The following HEATR5B variants were observed in gnomAD, a reference collection of about 807,000 sequenced individuals.
HEATR5B encodes the protein HEAT repeat-containing protein 5B.
In HEATR5B, 156 loss-of-function variants were observed where a neutral mutation model predicts 224.1. The observed-to-expected ratio is 0.70, with a 90% confidence interval of 0.61 to 0.80. The LOEUF (loss-of-function observed/expected upper bound fraction) is 0.80. Ranked by LOEUF, HEATR5B falls within the 30% of genes least tolerant of loss-of-function variation. The probability of loss-of-function intolerance (pLI) is 0.00; values close to 1 mark genes in which losing one functional copy is unlikely to be tolerated. For missense variants in HEATR5B, 2,323 were observed against 2,535.5 expected, an observed-to-expected ratio of 0.92 and a Z score of 1.80; for synonymous variants, 1,027 against 893.0, an observed-to-expected ratio of 1.15 and a Z score of -2.68.
At chr2:37,046,500 G>A (rs367690809) in intron 18 of HEATR5B, among the ~76,000 whole-genome samples, 2 of 151,890 alleles carry the variant, frequency 1.3e-5, no homozygotes, top group East Asian at 1.9e-4. Flanking sequence ...TTAGCCGGGC[G>A]TGGTGGCAGG....
At position 37,056,863 on chromosome 2, in the gene HEATR5B, C is replaced by A. The variant is rs542757857; in HGVS notation, c.2224-248G>T. ...CATATTTACACCACCCACCTTATTG[C>A]GTGAACAATATACACAAGATCTTAA... On this transcript the variant is annotated intron_variant, in intron 15 of 35. Coordinates refer to ENST00000233099, the MANE Select transcript of HEATR5B (RefSeq NM_019024.3). Among the ~76,000 whole-genome samples, 3 of 152,154 alleles carry A rather than the reference C, an allele frequency of 2.0e-5. No homozygotes were observed. In the East Asian group the frequency reaches 5.8e-4, roughly 29 times the overall value.
intron 33 of HEATR5B, among the ~76,000 whole-genome samples, chr2:36,992,591 A>G (rs11904027): frequency 0.011 from 1,640 of 152,228 alleles, 27 homozygotes; most frequent in African/African-American, 0.036. Flanking sequence ...AAAAACAAAC[A>G]AACAAACAAA....
At chr2:37,066,669 C>G (rs367696373) in intron 8 of HEATR5B, among the ~76,000 whole-genome samples, 267 of 152,134 alleles carry the variant, frequency 1.8e-3, no homozygotes, top group African/African-American at 5.8e-3. Flanking sequence ...TACATTCTGG[C>G]CCACAAATCC....
At chr2:37,006,017 TA>T (rs1302344359) in intron 29 of HEATR5B, among the ~76,000 whole-genome samples, 9 of 152,222 alleles carry the variant, frequency 5.9e-5, no homozygotes, top group African/African-American at 2.2e-4. Context: ...ATTATGAAGA[TA>T]TTAAGTTTTT....
chr2:37,013,946 A>C lies in HEATR5B; in HGVS notation c.4179T>G (p.Val1393=). 2.5e-6 allele frequency: 4 copies of C among 1,613,322 alleles called. No individual in the cohort carries two copies. Among genetic ancestry groups the C allele is most frequent in the Non-Finnish European group, 3.4e-6 (4 of 1,179,518 alleles). The change falls in exon 27 of 36, where the codon GTT becomes GTG. Residue 1393 remains valine (V), a synonymous_variant. Transcript: ENST00000233099. The part of the protein sequence containing the change: ...NDLRRVHNLL[V]SSLDKVQAGK... The stretch of plus-strand genomic sequence containing the variant: ...CAGCCTGAACTTTGTCCAGAGAAGA[A>C]ACAAGAAGATTGTGTACTCGACGGA...
intron 15 of HEATR5B, 117 bp downstream of exon 15, chr2:37,057,200 A>AGTT: frequency 1.4e-6 from 1 of 697,908 alleles, no homozygotes; most frequent in Non-Finnish European, 2.2e-6. Flanking sequence ...TAAGTGTCTA[A>AGTT]GAACACTAAA....
intron 35 of HEATR5B, among the ~76,000 whole-genome samples, chr2:36,984,219 T>A (rs371009542): frequency 0.14 from 9,627 of 67,454 alleles, 1,310 homozygotes; most frequent in Non-Finnish European, 0.16. Context: ...AAAAAAAATA[T>A]ATATATATAT....
At chr2:37,014,114 C>A (rs539271199) in intron 26 of HEATR5B, 94 bp from the exon 27 acceptor site, 1 of 636,528 alleles carries the variant, frequency 1.6e-6, no homozygotes, top group Non-Finnish European at 2.6e-6. Flanking sequence ...AGATAAAACA[C>A]AAAACCAAAG....
chr2:37,010,023 C>T (rs1266022343), intron 27 of HEATR5B, among the ~76,000 whole-genome samples: 1 of 152,160 alleles, frequency 6.6e-6, no homozygotes, highest in Non-Finnish European at 1.5e-5. Flanking sequence ...TTACCTGTAT[C>T]CTTTCTCTCT....
intron 33 of HEATR5B, among the ~76,000 whole-genome samples, chr2:36,995,682 G>T (rs1441949808): frequency 1.3e-5 from 2 of 151,952 alleles, no homozygotes; most frequent in Non-Finnish European, 2.9e-5. Flanking sequence ...AATTTCTTCG[G>T]GTCTGGGTTA....
intron 8 of HEATR5B, among the ~76,000 whole-genome samples, chr2:37,066,783 T>C (rs1671615414): frequency 6.6e-6 from 1 of 152,206 alleles, no homozygotes; most frequent in Non-Finnish European, 1.5e-5. Context: ...ATAGTAAAAC[T>C]TTCTTTTTTG....
intron 27 of HEATR5B, among the ~76,000 whole-genome samples, chr2:37,011,472 A>G (rs1422536035): frequency 6.6e-6 from 1 of 152,212 alleles, no homozygotes; most frequent in East Asian, 1.9e-4. Context: ...TTTTATTTTA[A>G]TAATTATGCT....
intron 3 of HEATR5B, among the ~76,000 whole-genome samples, chr2:37,077,740 T>C (rs368955878): frequency 1.3e-5 from 2 of 152,380 alleles, no homozygotes; most frequent in South Asian, 2.1e-4. Flanking sequence ...GTGTTGTAAC[T>C]TGACCATTTT....
intron 18 of HEATR5B, 135 bp downstream of exon 18, chr2:37,049,518 T>G: frequency 2.7e-6 from 2 of 730,186 alleles, no homozygotes; most frequent in Non-Finnish European, 4.4e-6. Flanking sequence ...AATTAAAAAT[T>G]GAGATCATTA....
chr2:37,078,860 C>G (rs1369488069), intron 3 of HEATR5B, among the ~76,000 whole-genome samples: 1 of 152,178 alleles, frequency 6.6e-6, no homozygotes, highest in Non-Finnish European at 1.5e-5. Flanking sequence ...ACATTCCCAA[C>G]AAATCTCTAA....
At chr2:37,042,362 A>G (rs1308170156) in intron 18 of HEATR5B, among the ~76,000 whole-genome samples, 1 of 152,238 alleles carries the variant, frequency 6.6e-6, no homozygotes, top group Non-Finnish European at 1.5e-5. Flanking sequence ...CTAACTTGTT[A>G]TAATATATCT....
rs950181354 is a variant in HEATR5B at position 37,066,710 on chromosome 2, T to G, written c.1178-800A>C. Among the ~76,000 whole-genome samples the G allele has an allele frequency of 6.6e-5, 10 of 152,052 alleles. 1 individual carries two copies. On this transcript the variant is annotated intron_variant, in intron 8 of 35. Coordinates refer to ENST00000233099, the MANE Select transcript of HEATR5B (RefSeq NM_019024.3). ...ACGTATCATTATATTTAATTCTGCT[T>G]TCAGGATTTAAAAAAAAATCAAATA...
chr2:37,045,088 C>A (rs1482794837), intron 18 of HEATR5B, among the ~76,000 whole-genome samples: 1 of 152,092 alleles, frequency 6.6e-6, no homozygotes, highest in Non-Finnish European at 1.5e-5. Context: ...TTACAAATTC[C>A]TTTTCTCACA....
At chr2:37,067,337 T>C (rs1389625413) in intron 8 of HEATR5B, among the ~76,000 whole-genome samples, 3 of 152,222 alleles carry the variant, frequency 2.0e-5, no homozygotes, top group Non-Finnish European at 1.5e-5. Context: ...ATTTCCTCAA[T>C]GAATCAATGT....
Sources: gnomAD v4.1 joint callset for allele counts (sites outside exome capture counted in the v4.1 genomes callset) on GRCh38, gnomAD v4.1.1 for gene constraint, MANE v1.5 for transcripts, NCBI Gene and HGNC (gene_info 2026-07-23, HGNC 2026-07-21) for gene names.